Variants in TMCO4 observed in about 807,000 individuals in gnomAD.
The protein encoded by TMCO4 is transmembrane and coiled-coil domains 4.
A neutral mutation model predicts 64.7 loss-of-function variants in TMCO4; 58 were observed. The ratio of observed to expected loss-of-function variants is 0.90; its 90% CI spans 0.73 to 1.12. The LOEUF (loss-of-function observed/expected upper bound fraction) is 1.12. Ranked by LOEUF, TMCO4 falls within the 50% of genes most tolerant of loss-of-function variation. The probability of loss-of-function intolerance (pLI) is 0.00; values close to 1 mark genes in which losing one functional copy is unlikely to be tolerated. For missense variants in TMCO4, 780 were observed against 825.9 expected (o/e 0.94, Z 0.68); for synonymous variants, 325 against 346.1 (o/e 0.94, Z 0.68).
In TMCO4 at chr1:19,780,739, G is replaced by A. The variant is rs776881364; in HGVS notation, c.20C>T (p.Pro7Leu). ...AGGCTGCTGAGGCAGCCTCTGGCAT[G>A]GCCTGTTCCACATGGCCATTCCCAG... MAMWNR[P>L]CQRLPQQPLV... Residue 7 changes from proline to leucine, a missense_variant, in exon 4 of 16, where the codon CCA becomes CTA. Physicochemically the swap from Pro to Leu is moderately conservative, Grantham distance 98. Transcript: ENST00000294543. 19 of 1,590,520 alleles carry A rather than the reference G, an allele frequency of 1.2e-5. No homozygotes were observed. The South Asian group carries it at 2.1e-4, about 17-fold the overall frequency.
chr1:19,735,765 T>A (rs1267738645), intron 13 of TMCO4, among the ~76,000 whole-genome samples: 1 of 152,234 alleles, frequency 6.6e-6, no homozygotes, highest in Non-Finnish European at 1.5e-5. Context: ...GGCAGAGACA[T>A]GCCCTCTGAA....
intron 13 of TMCO4, among the ~76,000 whole-genome samples, chr1:19,724,679 C>T (rs540623033): frequency 6.6e-6 from 1 of 152,172 alleles, no homozygotes; most frequent in Admixed American, 6.5e-5. Flanking sequence ...AGTGACTTGC[C>T]CAAGGGTACC....
At position 19,734,273 on chromosome 1, in the gene TMCO4, G is replaced by T. The variant is rs1184317438; in HGVS notation, c.1264+3099C>A. On this transcript the variant is annotated intron_variant, in intron 13 of 15. Transcript: ENST00000294543. The surrounding 1 kb of genome is among the most constrained non-coding windows in gnomAD (Gnocchi z 4.4). The stretch of plus-strand genomic sequence containing the variant: ...TGAGTGGGGCCCTGTGAGTCATGCT[G>T]GGACATCCACACTGATCTAGAGAAC... Among the ~76,000 whole-genome samples, 1 of 152,156 alleles carries T rather than the reference G, an allele frequency of 6.6e-6. No individual in the cohort carries two copies. Among genetic ancestry groups the T allele is most frequent in the South Asian group, 2.1e-4 (1 of 4,826 alleles).
rs147566834 is a variant in TMCO4 at position 19,793,073 on chromosome 1, G to A, written c.-101+5064C>T. ...ACGTGAGCCACCACGCCTGGCCTCAGTGTCAAATTTGATGTGACTATATGA... is the reference window on the plus strand; with the variant it reads ...ACGTGAGCCACCACGCCTGGCCTCAATGTCAAATTTGATGTGACTATATGA... On this transcript the variant is annotated intron_variant, in intron 2 of 15. Transcript: ENST00000294543. 5.8e-4 allele frequency among the ~76,000 whole-genome samples: 88 copies of A among 152,114 alleles called. 1 individual carries two copies. The highest frequency in any genetic ancestry group is 3.4e-3 in the Middle Eastern group (1 of 294).
chr1:19,712,706 A>T (rs1451509811), intron 13 of TMCO4, among the ~76,000 whole-genome samples: 1 of 152,228 alleles, frequency 6.6e-6, no homozygotes, highest in Non-Finnish European at 1.5e-5. Context: ...GAGCACATGT[A>T]CTAGTGAAAA....
At chr1:19,700,962 AG>A in intron 13 of TMCO4, 77 bp from the exon 14 acceptor site, 4 of 1,153,942 alleles carry the variant, frequency 3.5e-6, no homozygotes, top group Non-Finnish European at 5.2e-6. Context: ...ACAGCAGTGG[AG>A]GAGATGAATG....
At chr1:19,716,381 C>CTTTTT (rs1262772167) in intron 13 of TMCO4, among the ~76,000 whole-genome samples, 2 of 124,466 alleles carry the variant, frequency 1.6e-5, no homozygotes, top group African/African-American at 3.1e-5. Flanking sequence ...TTTTTTCTTT[C>CTTTTT]TTTTTTTTTT....
chr1:19,692,575 CA>C (rs532713684), intron 15 of TMCO4, among the ~76,000 whole-genome samples: 17,698 of 63,962 alleles, frequency 0.28, 2,217 homozygotes, highest in African/African-American at 0.48. Flanking sequence ...ATTAAAAATA[CA>C]AAAAAAAAAA....
chr1:19,695,013 G>T (rs1258521318), intron 14 of TMCO4, among the ~76,000 whole-genome samples: 1 of 152,236 alleles, frequency 6.6e-6, no homozygotes, highest in Non-Finnish European at 1.5e-5. Flanking sequence ...GTGAGGAGGG[G>T]AGGAACTCTG....
At chr1:19,730,281 G>A (rs1212494212) in intron 13 of TMCO4, among the ~76,000 whole-genome samples, 3 of 152,170 alleles carry the variant, frequency 2.0e-5, no homozygotes, top group Non-Finnish European at 4.4e-5. Context: ...CGTTGATATG[G>A]AGCTCCCTCG....
intron 12 of TMCO4, chr1:19,738,219 T>C (rs2095464216): frequency 6.6e-6 from 1 of 152,274 alleles, no homozygotes; most frequent in African/African-American, 2.4e-5. Flanking sequence ...CCACTCCACT[T>C]ACCACAGTAG....
At chr1:19,691,982 A>C (rs1367290603) in intron 15 of TMCO4, among the ~76,000 whole-genome samples, 2 of 152,038 alleles carry the variant, frequency 1.3e-5, no homozygotes, top group African/African-American at 4.8e-5. Flanking sequence ...CGTGCCTTTC[A>C]CCTTCCGCCA....
At chr1:19,702,087 A>C (rs557645549) in intron 13 of TMCO4, among the ~76,000 whole-genome samples, 79 of 152,170 alleles carry the variant, frequency 5.2e-4, no homozygotes, top group Admixed American at 2.0e-3. Context: ...CTCCTGCCTC[A>C]GTCTCCCAAG....
chr1:19,733,736 T>TA (rs1466937171), intron 13 of TMCO4, among the ~76,000 whole-genome samples: 1 of 152,072 alleles, frequency 6.6e-6, no homozygotes, highest in Admixed American at 6.5e-5. Flanking sequence ...CAGGGAGGTA[T>TA]AACAGGGAGA....
At position 19,745,647 on chromosome 1, in the gene TMCO4, G is replaced by GCC. The variant is rs776752014; in HGVS notation, c.761_762insGG (p.Tyr254Ter). The GCC allele has an allele frequency of 6.2e-7, 1 of 1,609,310 alleles. No homozygotes were observed. The highest frequency in any genetic ancestry group is 8.5e-7 in the Non-Finnish European group (1 of 1,177,104). ...TGGCTCCCACTCGCTTCTTCATCTT[G>GCC]TATCCTAAAGACCCAGATCCGAGAA... ...FGAAGAGLTG[Y>*]KMKKRVGAIE... The change falls in exon 10 of 16, where the codon TAC becomes TAGGC. Residue 254 changes from tyrosine to a stop codon, truncating the protein, a stop_gained and frameshift_variant. Coordinates refer to ENST00000294543, the MANE Select transcript of TMCO4 (RefSeq NM_181719.7). LOFTEE classifies it high-confidence loss of function.
intron 14 of TMCO4, among the ~76,000 whole-genome samples, chr1:19,696,232 T>C (rs997716830): frequency 6.6e-6 from 1 of 152,148 alleles, no homozygotes. Context: ...ATCCTAATAT[T>C]GAGGGTCCAA....
In TMCO4 at chr1:19,739,930, G is replaced by A. The variant is rs1302632095; in HGVS notation, c.1073C>T (p.Ser358Leu). ...GIVAALTWPA[S>L]LLSVANVIDN... Reference sequence around the variant, plus strand: ...GATGACATTGGCGACACTGAGGAGTGAGGCTGGCCAGGTCAGGGCAGCCAC... The same window carrying A: ...GATGACATTGGCGACACTGAGGAGTAAGGCTGGCCAGGTCAGGGCAGCCAC... The change falls in exon 12 of 16, where the codon TCA becomes TTA. Residue 358 changes from serine (S) to leucine (L), a missense_variant. Physicochemically the swap from Ser to Leu is moderately radical, Grantham distance 145. Coordinates refer to ENST00000294543, the MANE Select transcript of TMCO4 (RefSeq NM_181719.7). 1.9e-6 allele frequency: 3 copies of A among 1,613,884 alleles called. No individual in the cohort carries two copies. The highest frequency in any genetic ancestry group is 1.1e-5 in the South Asian group (1 of 91,058).
intron 6 of TMCO4, among the ~76,000 whole-genome samples, chr1:19,756,036 C>A (rs1194019119): frequency 6.6e-6 from 1 of 152,096 alleles, no homozygotes; most frequent in Non-Finnish European, 1.5e-5. Flanking sequence ...CGCTTGAGTC[C>A]AGGAGTTCAA....
At chr1:19,704,893 A>G (rs546768698) in intron 13 of TMCO4, among the ~76,000 whole-genome samples, 1 of 152,212 alleles carries the variant, frequency 6.6e-6, no homozygotes, top group African/African-American at 2.4e-5. Flanking sequence ...ACATTTACCC[A>G]TCTCTGAAGC....
Sources: gnomAD v4.1 joint callset for allele counts (sites outside exome capture counted in the v4.1 genomes callset) on GRCh38, gnomAD v4.1.1 for gene constraint, Gnocchi (gnomAD v3.1) non-coding constraint, MANE v1.5 for transcripts, NCBI Gene and HGNC (gene_info 2026-07-23, HGNC 2026-07-21) for gene names.